Variants in SOX5 observed in about 807,000 individuals in gnomAD.
SOX5 encodes transcription factor SOX-5.
In SOX5, 9 loss-of-function variants were observed where a neutral mutation model predicts 92.0. The ratio of observed to expected loss-of-function variants is 0.10; its 90% confidence interval spans 0.06 to 0.17. The LOEUF (loss-of-function observed/expected upper bound fraction) is 0.17, where lower values mean the gene tolerates loss of function less well. Ranked by LOEUF, SOX5 falls within the 10% of genes least tolerant of loss-of-function variation. SOX5 has a pLI of 1.00. For missense variants in SOX5, 642 were observed against 944.5 expected, an observed-to-expected ratio of 0.68 and a Z score of 4.20; for synonymous variants, 344 against 336.3, an observed-to-expected ratio of 1.02 and a Z score of -0.25.
intron 2 of SOX5, among the ~76,000 whole-genome samples, chr12:23,889,136 A>G (rs1276851403): frequency 6.6e-6 from 1 of 152,242 alleles, no homozygotes. Flanking sequence ...TTCAGAGTAT[A>G]GGAGAATGCT....
chr12:23,585,965 C>T (rs1253763005), intron 9 of SOX5, among the ~76,000 whole-genome samples: 1 of 152,088 alleles, frequency 6.6e-6, no homozygotes, highest in Admixed American at 6.6e-5. Flanking sequence ...AATCCAATCT[C>T]CTGGGCCCTA....
intron 11 of SOX5, among the ~76,000 whole-genome samples, chr12:23,548,025 C>T (rs1455612266): frequency 6.6e-6 from 1 of 152,048 alleles, no homozygotes; most frequent in Non-Finnish European, 1.5e-5. Flanking sequence ...AACACACGCA[C>T]ACATACACAC....
At position 24,555,958 on chromosome 12, in the gene SOX5, C is replaced by T. The variant is rs191179283; in HGVS notation, c.-251+6371G>A. 4.6e-5 allele frequency among the ~76,000 whole-genome samples: 7 copies of T among 152,322 alleles called. No homozygotes were observed. In the East Asian group the frequency reaches 1.2e-3, roughly 25 times the overall value. On this transcript the variant is annotated intron_variant, in intron 1 of 4. Coordinates refer to the SOX5 transcript ENST00000446891. The stretch of plus-strand genomic sequence containing the variant: ...GAGGCCATGCTTCCTGTAGCTGCTC[C>T]CAGCCAATGACTGACAGTGAGGAAT...
At chr12:24,536,649 TCTCAGAG>T (rs1182462718) in intron 1 of SOX5, among the ~76,000 whole-genome samples, 4 of 152,196 alleles carry the variant, frequency 2.6e-5, no homozygotes, top group Non-Finnish European at 5.9e-5. Context: ...TTCAGAAAAG[TCTCAGAG>T]CTCACCCTAA....
At chr12:23,875,941 A>T (rs571527132) in intron 2 of SOX5, among the ~76,000 whole-genome samples, 1 of 152,160 alleles carries the variant, frequency 6.6e-6, no homozygotes, top group East Asian at 1.9e-4. Context: ...TGTAGCACAA[A>T]AGCAGCTATA....
At chr12:23,984,746 C>T (rs1187086961) in intron 4 of SOX5, among the ~76,000 whole-genome samples, 1 of 152,140 alleles carries the variant, frequency 6.6e-6, no homozygotes, top group African/African-American at 2.4e-5. Context: ...CTCTTACTGT[C>T]ATTTTATTAG....
intron 1 of SOX5, among the ~76,000 whole-genome samples, chr12:24,555,561 G>A (rs991947855): frequency 6.6e-6 from 1 of 151,672 alleles, no homozygotes; most frequent in African/African-American, 2.4e-5. Flanking sequence ...AAAATACATC[G>A]GGCATTTCCT....
intron 2 of SOX5, among the ~76,000 whole-genome samples, chr12:24,279,704 C>T (rs1285977228): frequency 6.6e-6 from 1 of 152,028 alleles, no homozygotes; most frequent in Non-Finnish European, 1.5e-5. Flanking sequence ...TAAATAAATA[C>T]ACTCTGAACT....
At chr12:23,732,519 T>C (rs1272396013) in intron 6 of SOX5, among the ~76,000 whole-genome samples, 3 of 152,192 alleles carry the variant, frequency 2.0e-5, no homozygotes, top group African/African-American at 7.2e-5. Flanking sequence ...TCAGTACTTA[T>C]TTGTTGCCTG....
intron 1 of SOX5, among the ~76,000 whole-genome samples, chr12:24,459,220 C>T (rs1943355503): frequency 1.3e-5 from 2 of 152,118 alleles, no homozygotes; most frequent in African/African-American, 2.4e-5. Context: ...AGTATGTTTT[C>T]CAAGCCATGA....
chr12:24,326,848 G>A (rs897637565), intron 2 of SOX5, among the ~76,000 whole-genome samples: 9 of 144,908 alleles, frequency 6.2e-5, no homozygotes, highest in African/African-American at 1.5e-4. Context: ...ACACACACAC[G>A]TGCAACCTGT....
intron 4 of SOX5, among the ~76,000 whole-genome samples, chr12:23,971,304 A>G (rs533249046): frequency 2.6e-4 from 39 of 151,008 alleles, no homozygotes; most frequent in African/African-American, 9.2e-4. Context: ...TTGTATTTTT[A>G]GTAGAGACGG....
chr12:23,951,122 G>A (rs1258477765), upstream of SOX5: 3 of 481,118 alleles, frequency 6.2e-6, no homozygotes, highest in African/African-American at 3.9e-5. Context: ...TTGTTGAGAG[G>A]GCAGGTCAGT....
At chr12:23,917,352 C>T (rs2097427869) in intron 1 of SOX5, among the ~76,000 whole-genome samples, 1 of 151,862 alleles carries the variant, frequency 6.6e-6, no homozygotes, top group Admixed American at 6.6e-5. Context: ...ACCAGCCTGA[C>T]CAATATGGTG....
intron 2 of SOX5, among the ~76,000 whole-genome samples, chr12:23,881,446 G>A (rs146081689): frequency 2.4e-4 from 37 of 152,206 alleles, no homozygotes; most frequent in Admixed American, 3.9e-4. Flanking sequence ...CATATGACAA[G>A]GGACATACAA....
chr12:23,738,209 T>C (rs1228066196), intron 5 of SOX5, among the ~76,000 whole-genome samples: 1 of 152,220 alleles, frequency 6.6e-6, no homozygotes, highest in Admixed American at 6.5e-5. Flanking sequence ...TTGTAACAGC[T>C]ATACCAGAAG....
Position 23,970,840 on chromosome 12 carries a change from A to ATTTTTTTTTTT in SOX5, c.-1-74817_-1-74816insAAAAAAAAAAA. On this transcript the variant is annotated intron_variant, in intron 4 of 4. Coordinates refer to the SOX5 transcript ENST00000446891. ...CACATGGGACTTTATATATATATAT[A>ATTTTTTTTTTT]ATTTTTTTTTTTTTTTAAGAAATGG... Among the ~76,000 whole-genome samples, 272 of 33,458 alleles carry ATTTTTTTTTTT rather than the reference A, an allele frequency of 8.1e-3. 39 individuals are homozygous for ATTTTTTTTTTT. The highest frequency in any genetic ancestry group is 0.027 in the African/African-American group (259 of 9,748). 21.9% of individuals were successfully genotyped at this position (33,458 alleles called of 152,430 possible).
At chr12:23,956,717 A>G (rs1946333197) in intron 4 of SOX5, among the ~76,000 whole-genome samples, 1 of 151,590 alleles carries the variant, frequency 6.6e-6, no homozygotes, top group Admixed American at 6.6e-5. Context: ...ACAGAGTCTC[A>G]CTTTGTCACC....
chr12:24,517,435 G>A (rs981596062), intron 1 of SOX5, among the ~76,000 whole-genome samples: 2 of 152,122 alleles, frequency 1.3e-5, no homozygotes, highest in African/African-American at 4.8e-5. Flanking sequence ...CAAGAAAGGG[G>A]TCATGGGGGC....
Sources: gnomAD v4.1 joint callset for allele counts (sites outside exome capture counted in the v4.1 genomes callset) on GRCh38, gnomAD v4.1.1 for gene constraint, MANE v1.5 for transcripts, NCBI Gene and HGNC (gene_info 2026-07-23, HGNC 2026-07-21) for gene names.